The following ADAM12 variants were observed in gnomAD, a reference collection of about 807,000 sequenced individuals.
ADAM12 encodes ADAM metallopeptidase domain 12.
A neutral mutation model predicts 106.4 loss-of-function variants in ADAM12; 70 were observed. The ratio of observed to expected loss-of-function variants is 0.66; its 90% CI spans 0.54 to 0.80. ADAM12 has a LOEUF of 0.80. Ranked by LOEUF, ADAM12 falls within the 30% of genes least tolerant of loss-of-function variation. The pLI is 0.00. For missense variants in ADAM12, 1,010 were observed against 1,171.9 expected (o/e 0.86, Z 2.02); for synonymous variants, 420 against 433.5 (o/e 0.97, Z 0.39).
chr10:126,178,801 C>T (rs1005009403), intron 3 of ADAM12, among the ~76,000 whole-genome samples: 3 of 152,102 alleles, frequency 2.0e-5, no homozygotes, highest in African/African-American at 7.2e-5. Context: ...AATCCCAGCA[C>T]TTTAGGAGGC....
intron 3 of ADAM12, among the ~76,000 whole-genome samples, chr10:126,188,949 T>TCATCATCCATCTATTCAC (rs1176505174): frequency 1.3e-5 from 2 of 152,058 alleles, no homozygotes; most frequent in Non-Finnish European, 2.9e-5. Context: ...ACCCATCCAT[T>TCATCATCCATCTATTCAC]CATCATCCAT....
intron 6 of ADAM12, among the ~76,000 whole-genome samples, chr10:126,111,482 T>A (rs1020127074): frequency 2.6e-5 from 4 of 152,114 alleles, no homozygotes; most frequent in Non-Finnish European, 4.4e-5. Flanking sequence ...ATTAAAAAAA[T>A]TTGGCTAATT....
chr10:126,346,742 C>T (rs1466323596), intron 1 of ADAM12, among the ~76,000 whole-genome samples: 1 of 152,180 alleles, frequency 6.6e-6, no homozygotes, highest in Non-Finnish European at 1.5e-5. Flanking sequence ...ATAGTTAGCT[C>T]TTCTTGTTGA....
chr10:126,254,464 G>C (rs556906489), intron 3 of ADAM12, among the ~76,000 whole-genome samples: 3 of 152,312 alleles, frequency 2.0e-5, no homozygotes, highest in Admixed American at 2.0e-4. Context: ...AAGAGCAACT[G>C]ACAACACTTC....
chr10:126,128,365 G>A (rs1433307818), intron 5 of ADAM12, among the ~76,000 whole-genome samples: 3 of 152,202 alleles, frequency 2.0e-5, no homozygotes, highest in Non-Finnish European at 4.4e-5. Flanking sequence ...TGGGGGTTGG[G>A]AAACGAACTC....
intron 3 of ADAM12, among the ~76,000 whole-genome samples, chr10:126,214,742 T>C (rs895636423): frequency 2.0e-5 from 3 of 152,248 alleles, no homozygotes; most frequent in Non-Finnish European, 4.4e-5. Context: ...GTATCTATGA[T>C]GTTCATTATG....
chr10:126,138,842 G>T, intron 4 of ADAM12, among the ~76,000 whole-genome samples: 1 of 143,032 alleles, frequency 7.0e-6, no homozygotes. Flanking sequence ...AGTTGTATGG[G>T]TTTAGCTATT....
chr10:126,324,873 C>G (rs2133841254), intron 2 of ADAM12, among the ~76,000 whole-genome samples: 1 of 151,834 alleles, frequency 6.6e-6, no homozygotes, highest in African/African-American at 2.4e-5. Flanking sequence ...GATTTTAAGT[C>G]AATGCATGCT....
intron 1 of ADAM12, among the ~76,000 whole-genome samples, chr10:126,333,860 T>C (rs1379115072): frequency 4.6e-5 from 7 of 152,232 alleles, no homozygotes; most frequent in Non-Finnish European, 1.5e-5. Flanking sequence ...AAGGAGAATT[T>C]AGAAGCAGGC....
chr10:126,201,171 C>A (rs1957692941), intron 3 of ADAM12, among the ~76,000 whole-genome samples: 1 of 152,118 alleles, frequency 6.6e-6, no homozygotes, highest in South Asian at 2.1e-4. Flanking sequence ...GTTGAACCGT[C>A]CTTCCAAAAA....
intron 1 of ADAM12, among the ~76,000 whole-genome samples, chr10:126,331,745 T>C (rs1160045651): frequency 2.6e-5 from 4 of 152,200 alleles, no homozygotes; most frequent in South Asian, 2.1e-4. Context: ...GAGGGGACTA[T>C]GGGCCCAGGA....
intron 3 of ADAM12, among the ~76,000 whole-genome samples, chr10:126,202,538 T>C (rs563694853): frequency 3.3e-5 from 5 of 152,222 alleles, no homozygotes; most frequent in African/African-American, 1.2e-4. Context: ...CAGAAGAAGA[T>C]AAAGGTCACT....
At chr10:126,018,390 T>C (rs1953698897) in intron 22 of ADAM12, among the ~76,000 whole-genome samples, 1 of 152,190 alleles carries the variant, frequency 6.6e-6, no homozygotes, top group African/African-American at 2.4e-5. Context: ...CCAATGTCCA[T>C]GGTGTAAATA....
chr10:126,276,551 G>T (rs1430192093), intron 3 of ADAM12, among the ~76,000 whole-genome samples: 1 of 152,004 alleles, frequency 6.6e-6, no homozygotes, highest in Admixed American at 6.6e-5. Flanking sequence ...TTATACTGAA[G>T]TATTTTTGGT....
At chr10:126,059,769 T>C (rs1007667405) in intron 14 of ADAM12, among the ~76,000 whole-genome samples, 4 of 152,262 alleles carry the variant, frequency 2.6e-5, no homozygotes, top group African/African-American at 9.6e-5. Flanking sequence ...TTCGTGACTA[T>C]AGATGTGTAG....
intron 3 of ADAM12, among the ~76,000 whole-genome samples, chr10:126,259,084 T>C (rs535049081): frequency 7.2e-5 from 11 of 152,150 alleles, no homozygotes; most frequent in Non-Finnish European, 1.6e-4. Context: ...TTAGACTCTG[T>C]AGTAAATGGT....
intron 1 of ADAM12, among the ~76,000 whole-genome samples, chr10:126,341,191 G>A (rs112499481): frequency 0.015 from 2,304 of 151,896 alleles, 71 homozygotes; most frequent in African/African-American, 0.052. Context: ...CCTTTATCCC[G>A]CCTACAGCCA....
chr10:126,128,037 G>T (rs1956234117), intron 5 of ADAM12, among the ~76,000 whole-genome samples: 1 of 151,916 alleles, frequency 6.6e-6, no homozygotes. Context: ...AGGTTTACCA[G>T]AAAAAAAATT....
At chr10:126,332,096 ACAT>A (rs1359276915) in intron 1 of ADAM12, among the ~76,000 whole-genome samples, 5 of 152,178 alleles carry the variant, frequency 3.3e-5, no homozygotes, top group Non-Finnish European at 7.3e-5. Context: ...GCTCTACCAC[ACAT>A]CAGCTGCGGG....
Sources: allele counts gnomAD v4.1 joint callset (sites outside exome capture counted in the v4.1 genomes callset), GRCh38; gene constraint gnomAD v4.1.1; transcripts MANE v1.5; gene names NCBI Gene and HGNC (gene_info 2026-07-23, HGNC 2026-07-21).